The following COL10A1 variants were observed in gnomAD, a reference collection of about 807,000 sequenced individuals.
COL10A1 encodes collagen type X alpha 1 chain, also known as collagen alpha-1(X) chain.
Under a neutral mutation model 18.2 loss-of-function variants are expected in COL10A1, and 10 were observed. The ratio of observed to expected loss-of-function variants is 0.55; its 90% confidence interval spans 0.34 to 0.93. COL10A1 has a LOEUF of 0.93. Among genes scored for constraint, COL10A1 ranks in the 40% least tolerant of loss-of-function variants. The pLI is 0.02. For synonymous variants in COL10A1, 330 were observed against 316.6 expected (o/e 1.04, Z -0.45); for missense variants, 897 against 853.5 (o/e 1.05, Z -0.64).
upstream of COL10A1, among the ~76,000 whole-genome samples, chr6:116,163,121 C>T (rs1418787391): frequency 1.7e-3 from 60 of 34,404 alleles, no homozygotes; most frequent in South Asian, 3.0e-3. Context: ...AGCGAGACTC[C>T]GTCTCAAAAA....
upstream of COL10A1, among the ~76,000 whole-genome samples, chr6:116,128,701 T>C (rs1376319482): frequency 6.6e-6 from 1 of 152,148 alleles, no homozygotes; most frequent in Admixed American, 6.5e-5. Context: ...CTCAGCCTCT[T>C]TTCCCCACTC....
intron 1 of COL10A1, among the ~76,000 whole-genome samples, chr6:116,139,514 A>T (rs1471942304): frequency 1.3e-5 from 2 of 152,286 alleles, no homozygotes; most frequent in East Asian, 3.9e-4. Context: ...CAGTGTAATG[A>T]TATTGAACTG....
intron 1 of COL10A1, among the ~76,000 whole-genome samples, chr6:116,141,912 AC>A (rs1562135717): frequency 4.0e-5 from 6 of 151,626 alleles, no homozygotes; most frequent in African/African-American, 1.5e-4. Flanking sequence ...ACACACACAC[AC>A]ACACACACAC....
chr6:116,154,130 T>C (rs1780121970), intron 1 of COL10A1, among the ~76,000 whole-genome samples: 1 of 151,946 alleles, frequency 6.6e-6, no homozygotes, highest in Non-Finnish European at 1.5e-5. Context: ...CATTGATTTG[T>C]AGTGTACTTT....
chr6:116,183,752 T>C, the COL10A1 span, among the ~76,000 whole-genome samples: 4 of 152,116 alleles, frequency 2.6e-5, no homozygotes, highest in African/African-American at 9.7e-5. Context: ...ATTAATTTTG[T>C]ATCCTGAAAC....
At position 116,119,973 on chromosome 6, in the gene COL10A1, T is replaced by C. The variant is rs867053914; in HGVS notation, c.*100A>G. ...AAATCTGTATTTCAGAAAATAAAAA[T>C]TACATTCTTTTCAGCCTACCTCCAT... On this transcript the variant is annotated 3_prime_UTR_variant, in exon 3 of 3. Transcript: ENST00000651968. 2 of 1,092,524 alleles carry C rather than the reference T, an allele frequency of 1.8e-6. No homozygotes were observed. The highest frequency in any genetic ancestry group is 3.5e-5 in the Admixed American group (2 of 56,894). 67.7% of individuals were successfully genotyped at this position (1,092,524 alleles called of 1,614,324 possible). A position where few individuals can be genotyped will look rare whatever the true frequency, so the allele number is the denominator to read the frequency against.
chr6:116,187,948 TATA>T, the COL10A1 span, among the ~76,000 whole-genome samples: 2 of 152,080 alleles, frequency 1.3e-5, no homozygotes, highest in Admixed American at 1.3e-4. Context: ...TTGGAATACA[TATA>T]ATGATAAAAA....
At chr6:116,162,508 G>GT (rs774693774), upstream of COL10A1, among the ~76,000 whole-genome samples, 10 of 152,200 alleles carry the variant, frequency 6.6e-5, no homozygotes, top group East Asian at 1.2e-3. Context: ...TTTATTGCAT[G>GT]TTTTTTCTGC....
At position 116,120,845 on chromosome 6, in the gene COL10A1, A is replaced by G; in HGVS notation, c.1271T>C (p.Val424Ala). 4 of 1,613,892 alleles carry G rather than the reference A, an allele frequency of 2.5e-6. No homozygotes were observed. Among genetic ancestry groups the G allele is most frequent in the Non-Finnish European group, 3.4e-6 (4 of 1,179,912 alleles). Residue 424 changes from valine to alanine, a missense_variant, in exon 3 of 3, where the codon GTG becomes GCG. Transcript: ENST00000651968. ...CATTCCCTTTGCTCCTGCTGGGCCC[A>G]CAGGGCCTGGGAGACCAGGAGGTCC... The part of the protein sequence containing the change: ...VGGPPGLPGP[V>A]GPAGAKGMPG...
chr6:116,196,373 A>G, the COL10A1 span, among the ~76,000 whole-genome samples: 7 of 152,068 alleles, frequency 4.6e-5, no homozygotes, highest in African/African-American at 1.7e-4. Flanking sequence ...AATGGGAAAG[A>G]GTTCAGTTAA....
At chr6:116,194,494 C>A in the COL10A1 span, among the ~76,000 whole-genome samples, 1 of 151,808 alleles carries the variant, frequency 6.6e-6, no homozygotes, top group Non-Finnish European at 1.5e-5. Context: ...TCACTAATAG[C>A]CTATTTTATG....
chr6:116,177,091 G>T, the COL10A1 span, among the ~76,000 whole-genome samples: 1 of 152,106 alleles, frequency 6.6e-6, no homozygotes, highest in Non-Finnish European at 1.5e-5. Flanking sequence ...TATAATATGT[G>T]GACCGGTTTC....
the COL10A1 span, among the ~76,000 whole-genome samples, chr6:116,167,402 C>T: frequency 6.6e-6 from 1 of 151,818 alleles, no homozygotes; most frequent in Non-Finnish European, 1.5e-5. Context: ...TTAGTAGATA[C>T]AGTGTTTCAC....
intron 1 of COL10A1, among the ~76,000 whole-genome samples, chr6:116,141,682 A>T (rs1157363173): frequency 6.6e-6 from 1 of 151,736 alleles, no homozygotes; most frequent in Non-Finnish European, 1.5e-5. Flanking sequence ...ACAGAAGTTT[A>T]TATTCAACAT....
At chr6:116,172,119 C>CT in the COL10A1 span, among the ~76,000 whole-genome samples, 3 of 152,270 alleles carry the variant, frequency 2.0e-5, no homozygotes, top group Non-Finnish European at 4.4e-5. Flanking sequence ...AGTAGTTGAG[C>CT]ATTTCCTAAC....
At chr6:116,165,746 G>A in the COL10A1 span, among the ~76,000 whole-genome samples, 1 of 152,214 alleles carries the variant, frequency 6.6e-6, no homozygotes, top group Non-Finnish European at 1.5e-5. Context: ...TCTAGGGGCA[G>A]CCTGTGCTTA....
chr6:116,187,541 C>T, the COL10A1 span, among the ~76,000 whole-genome samples: 2 of 152,090 alleles, frequency 1.3e-5, no homozygotes, highest in East Asian at 1.9e-4. Context: ...ATCACTGAAC[C>T]GGAGATGCCA....
intron 1 of COL10A1, among the ~76,000 whole-genome samples, chr6:116,140,721 T>C (rs1409968952): frequency 6.6e-6 from 1 of 152,176 alleles, no homozygotes; most frequent in Non-Finnish European, 1.5e-5. Flanking sequence ...ATTATATATT[T>C]AAAAGGAATT....
At chr6:116,200,002 G>GGC in the COL10A1 span, among the ~76,000 whole-genome samples, 17 of 101,286 alleles carry the variant, frequency 1.7e-4, 1 homozygote, top group African/African-American at 5.5e-4. Context: ...TGGAAAGTGG[G>GGC]GGGGGAAGAG....
Sources: allele counts gnomAD v4.1 joint callset (sites outside exome capture counted in the v4.1 genomes callset), GRCh38; gene constraint gnomAD v4.1.1; transcripts MANE v1.5; gene names NCBI Gene and HGNC (gene_info 2026-07-23, HGNC 2026-07-21).